The following TBCD variants were observed in gnomAD, a reference collection of about 807,000 sequenced individuals.
TBCD encodes the protein tubulin folding cofactor D, also known as tubulin-specific chaperone D.
TBCD carries 105 observed loss-of-function variants against 169.3 expected under a neutral mutation model. The observed-to-expected ratio is 0.62, with a 90% CI of 0.53 to 0.73. The LOEUF is 0.73. TBCD is among the 30% of genes least tolerant of loss of function. TBCD has a pLI of 0.00. For synonymous variants in TBCD, 700 were observed against 643.9 expected (o/e 1.09, Z -1.32); for missense variants, 1,444 against 1,600.1 (o/e 0.90, Z 1.66).
rs368816925 is a variant in TBCD, at chr17:82,883,626, CGGT to C, written c.1476-516_1476-514del. Among the ~76,000 whole-genome samples the C allele has an allele frequency of 2.8e-3, 424 of 152,306 alleles. 4 individuals carry two copies. Among genetic ancestry groups the C allele is most frequent in the African/African-American group, 9.8e-3 (406 of 41,568 alleles). On this transcript the variant is annotated intron_variant, in intron 14 of 38. Coordinates refer to ENST00000355528, the MANE Select transcript of TBCD (RefSeq NM_005993.5). ...TCAGGGCCTCAGGTCCCTCTGGGCA[CGGT>C]GGGTGTTCATGTGTTTCTGCAGGGT...
intron 7 of TBCD, among the ~76,000 whole-genome samples, chr17:82,796,284 T>G (rs1412036972): frequency 6.6e-6 from 1 of 152,198 alleles, no homozygotes; most frequent in Non-Finnish European, 1.5e-5. Context: ...ACCGATGACT[T>G]AGGGTTAAAA....
intron 3 of TBCD, 141 bp from the exon 4 acceptor site, chr17:82,766,126 A>C: frequency 1.5e-6 from 1 of 687,528 alleles, no homozygotes; most frequent in Middle Eastern, 2.8e-4. Flanking sequence ...GGTCTTACTA[A>C]ATTGTGTCAC....
At position 82,782,237 on chromosome 17, in the gene TBCD, T is replaced by C. The variant is rs1469281581; in HGVS notation, c.771+516T>C. ...CCTGCCCTTTCGCTCTGATTGTCTCTTGTGTTACCTTTTCTTGTGCTAACG... is the reference window on the plus strand; with the variant it reads ...CCTGCCCTTTCGCTCTGATTGTCTCCTGTGTTACCTTTTCTTGTGCTAACG... On this transcript the variant is annotated intron_variant, in intron 7 of 38. Transcript: ENST00000355528. This position sits in a 1 kb window ranked among gnomAD's most constrained non-coding sequence, Gnocchi z 5.1. Among the ~76,000 whole-genome samples, 1 of 134,356 alleles carries C rather than the reference T, an allele frequency of 7.4e-6. No homozygotes were observed. The highest frequency in any genetic ancestry group is 1.7e-5 in the Non-Finnish European group (1 of 58,528). The allele number at this position is 134,356 out of a possible 152,430, so 88.1% of individuals were successfully genotyped here. A position where few individuals can be genotyped will look rare whatever the true frequency, so the allele number is the denominator to read the frequency against.
chr17:82,780,496 G>A lies in TBCD; in HGVS notation c.639-1093G>A, dbSNP rs1386646405. 2.6e-5 allele frequency among the ~76,000 whole-genome samples: 4 copies of A among 151,862 alleles called. No homozygotes were observed. The East Asian group carries it at 5.9e-4, about 22-fold the overall frequency. On this transcript the variant is annotated intron_variant, in intron 6 of 38. Transcript: ENST00000355528. ...GCTAATTAGCTGGGCATGGTGGCGT[G>A]CGCTTGTAGTCCCAGCTACTCGAGA...
At position 82,754,096 on chromosome 17, in the gene TBCD, C is replaced by T. The variant is rs542943865; in HGVS notation, c.184+1719C>T. ...TTCATCGTGTTAGCCAGGATGGTCT[C>T]GATCTCCTGACCTCGTGATCCACCC... On this transcript the variant is annotated intron_variant, in intron 1 of 38. Coordinates refer to ENST00000355528, the MANE Select transcript of TBCD (RefSeq NM_005993.5). 3.6e-4 allele frequency among the ~76,000 whole-genome samples: 54 copies of T among 151,632 alleles called. No homozygotes were observed. In the South Asian group the frequency reaches 7.9e-3, roughly 22 times the overall value.
At chr17:82,810,558 G>A (rs573461309) in intron 12 of TBCD, among the ~76,000 whole-genome samples, 42 of 152,364 alleles carry the variant, frequency 2.8e-4, no homozygotes, top group Non-Finnish European at 4.6e-4. Flanking sequence ...TGTGGGCTGG[G>A]ATGTGCGGGT....
intron 13 of TBCD, among the ~76,000 whole-genome samples, chr17:82,857,105 A>G (rs1033100802): frequency 1.3e-5 from 2 of 152,228 alleles, no homozygotes; most frequent in African/African-American, 2.4e-5. Context: ...TGGTTTCTCC[A>G]TGTCCTCACC....
At chr17:82,879,949 C>T (rs1324980597) in intron 14 of TBCD, among the ~76,000 whole-genome samples, 1 of 152,002 alleles carries the variant, frequency 6.6e-6, no homozygotes, top group Admixed American at 6.5e-5. Flanking sequence ...TACCTGTCTC[C>T]TTGGGTGTCT....
At chr17:82,829,817 C>T in intron 13 of TBCD, 1 of 314,946 alleles carries the variant, frequency 3.2e-6, no homozygotes. Context: ...ACAGTTAAAA[C>T]AATTTGTTGT....
At chr17:82,898,009 G>GC (rs2059607747) in intron 17 of TBCD, among the ~76,000 whole-genome samples, 1 of 149,898 alleles carries the variant, frequency 6.7e-6, no homozygotes, top group Non-Finnish European at 1.5e-5. Flanking sequence ...TGAGCATTGA[G>GC]CCCCTGTGGG....
At chr17:82,925,339 G>A (rs1054159385) in intron 27 of TBCD, among the ~76,000 whole-genome samples, 3 of 152,208 alleles carry the variant, frequency 2.0e-5, no homozygotes, top group Non-Finnish European at 2.9e-5. Context: ...AGCAGCTGCC[G>A]AGAGTGAGGA....
chr17:82,804,770 T>C (rs950371532), intron 9 of TBCD, among the ~76,000 whole-genome samples: 20 of 152,320 alleles, frequency 1.3e-4, no homozygotes, highest in African/African-American at 4.3e-4. Flanking sequence ...GAGGGAATCA[T>C]TGGGCCCAGG....
chr17:82,881,374 C>T (rs962408561), intron 14 of TBCD, among the ~76,000 whole-genome samples: 30 of 152,348 alleles, frequency 2.0e-4, no homozygotes, highest in African/African-American at 7.0e-4. Flanking sequence ...GGCCGCTTGC[C>T]GCCGATGAGG....
chr17:82,792,792 G>A (rs1379592926), intron 7 of TBCD, among the ~76,000 whole-genome samples: 1 of 152,164 alleles, frequency 6.6e-6, no homozygotes, highest in East Asian at 1.9e-4. Context: ...GCATTTTTGT[G>A]TGAAATTACC....
chr17:82,780,651 T>TTTTG (rs2048886435), intron 6 of TBCD, among the ~76,000 whole-genome samples: 1 of 146,098 alleles, frequency 6.8e-6, no homozygotes, highest in Non-Finnish European at 1.5e-5. Flanking sequence ...TGGGCTTTTT[T>TTTTG]TTTTTTTTTT....
chr17:82,905,695 ACGCCG>A (rs2146791143), intron 19 of TBCD, among the ~76,000 whole-genome samples: 4 of 35,712 alleles, frequency 1.1e-4, no homozygotes, highest in Admixed American at 2.6e-4. Flanking sequence ...CCGTGTGTGC[ACGCCG>A]TCGCCTGCCC....
intron 6 of TBCD, among the ~76,000 whole-genome samples, chr17:82,778,742 A>G (rs896893790): frequency 2.6e-5 from 4 of 151,604 alleles, no homozygotes; most frequent in Non-Finnish European, 5.9e-5. Context: ...GCTCCACTGA[A>G]CCTCTGCCTC....
intron 14 of TBCD, among the ~76,000 whole-genome samples, chr17:82,883,743 C>T (rs2058533343): frequency 6.6e-6 from 1 of 152,230 alleles, no homozygotes; most frequent in African/African-American, 2.4e-5. Context: ...CCCCCCTGTC[C>T]AAACGCTGCC....
intron 21 of TBCD, chr17:82,908,356 C>T (rs893483647): frequency 4.4e-6 from 2 of 456,564 alleles, no homozygotes; most frequent in Non-Finnish European, 8.8e-6. Context: ...TTTGTGTGTG[C>T]GTCTGTCGGA....
Sources: gnomAD v4.1 joint callset for allele counts (sites outside exome capture counted in the v4.1 genomes callset) on GRCh38, gnomAD v4.1.1 for gene constraint, Gnocchi (gnomAD v3.1) non-coding constraint, MANE v1.5 for transcripts, NCBI Gene and HGNC (gene_info 2026-07-23, HGNC 2026-07-21) for gene names.